Variants in LAMA2 observed in about 807,000 individuals in gnomAD.
LAMA2 encodes laminin subunit alpha 2.
Under a neutral mutation model 364.8 loss-of-function variants are expected in LAMA2, and 269 were observed. The observed-to-expected ratio is 0.74, with a 90% CI of 0.67 to 0.82. The LOEUF (loss-of-function observed/expected upper bound fraction) is 0.82. Ranked by LOEUF, LAMA2 falls within the 40% of genes least tolerant of loss-of-function variation. The pLI is 0.00. For synonymous variants in LAMA2, 1,379 were observed against 1,370.6 expected, an observed-to-expected ratio of 1.01 and a Z score of -0.14; for missense variants, 3,807 against 3,873.2, an observed-to-expected ratio of 0.98 and a Z score of 0.45.
chr6:129,378,650 T>A (rs942170506), intron 34 of LAMA2, among the ~76,000 whole-genome samples: 11 of 152,210 alleles, frequency 7.2e-5, no homozygotes, highest in African/African-American at 2.2e-4. Context: ...CAGTTTTTCA[T>A]GTATTTTACT....
In LAMA2 at chr6:129,222,677, C is replaced by T. The variant is rs531004753; in HGVS notation, c.1783-27435C>T. On this transcript the variant is annotated intron_variant, in intron 12 of 64. Transcript: ENST00000421865. ...TCCCTACAAAGGACGTGAACTCATC[C>T]TTTTTTATGGCTGCATAGTATTCCA... Among the ~76,000 whole-genome samples the T allele has an allele frequency of 1.8e-3, 271 of 152,018 alleles. 2 individuals are homozygous for T. Among genetic ancestry groups the T allele is most frequent in the African/African-American group, 5.9e-3 (245 of 41,478 alleles).
intron 40 of LAMA2, 84 bp from the exon 41 acceptor site, chr6:129,427,668 C>T (rs926654970): frequency 1.7e-5 from 16 of 957,964 alleles, no homozygotes; most frequent in Non-Finnish European, 2.7e-5. Context: ...TAAAGGCAAA[C>T]TCTGTGTACC....
chr6:128,927,974 C>G (rs1398944192), intron 1 of LAMA2, among the ~76,000 whole-genome samples: 2 of 152,180 alleles, frequency 1.3e-5, no homozygotes, highest in African/African-American at 4.8e-5. Flanking sequence ...GAACTTTCCT[C>G]TCTGTAAAGT....
intron 37 of LAMA2, among the ~76,000 whole-genome samples, chr6:129,396,231 T>G (rs1278855530): frequency 6.6e-6 from 1 of 152,226 alleles, no homozygotes; most frequent in Non-Finnish European, 1.5e-5. Flanking sequence ...CCAGGGTATT[T>G]GAGGTTGAAT....
intron 1 of LAMA2, among the ~76,000 whole-genome samples, chr6:128,959,841 T>C (rs1781368763): frequency 6.6e-6 from 1 of 152,048 alleles, no homozygotes; most frequent in Non-Finnish European, 1.5e-5. Context: ...AGCTACTTCT[T>C]GACCCTTGAA....
chr6:129,383,900 T>C (rs964509599), intron 35 of LAMA2, among the ~76,000 whole-genome samples: 1 of 152,180 alleles, frequency 6.6e-6, no homozygotes, highest in South Asian at 2.1e-4. Flanking sequence ...CGTGCATGCA[T>C]GTTTAGAAAT....
At chr6:129,172,214 G>T (rs1333193207) in intron 9 of LAMA2, among the ~76,000 whole-genome samples, 3 of 152,124 alleles carry the variant, frequency 2.0e-5, no homozygotes, top group Non-Finnish European at 4.4e-5. Context: ...TCCGTTGCTG[G>T]TGAGGAACTG....
intron 1 of LAMA2, among the ~76,000 whole-genome samples, chr6:129,023,263 C>A (rs1008019879): frequency 1.3e-5 from 2 of 152,136 alleles, no homozygotes; most frequent in Admixed American, 1.3e-4. Flanking sequence ...TTCACTCCAT[C>A]TTTCTTTGGG....
At chr6:129,479,856 C>T (rs1784265280) in intron 54 of LAMA2, 2 of 152,156 alleles carry the variant, frequency 1.3e-5, no homozygotes, top group South Asian at 4.2e-4. Context: ...GACACCCACT[C>T]TGAGAAGTTT....
chr6:129,386,054 CT>C lies in LAMA2; in HGVS notation c.5071+2824del, dbSNP rs565698338. Among the ~76,000 whole-genome samples the C allele has an allele frequency of 3.7e-4, 57 of 152,108 alleles. 1 individual carries two copies. The highest frequency in any genetic ancestry group is 1.3e-3 in the African/African-American group (54 of 41,502). On this transcript the variant is annotated intron_variant, in intron 35 of 64. Coordinates refer to ENST00000421865, the MANE Select transcript of LAMA2 (RefSeq NM_000426.4). ...TGGCATGGTTTTCTGTCTACTAATT[CT>C]TTCCCTAATTTATACAACTTTTTTT... is the stretch of plus-strand genomic sequence containing the variant.
At chr6:129,205,677 A>C (rs1782592160) in intron 12 of LAMA2, among the ~76,000 whole-genome samples, 1 of 152,018 alleles carries the variant, frequency 6.6e-6, no homozygotes, top group Admixed American at 6.6e-5. Context: ...TTAAAAAAGG[A>C]AGGAAGATTT....
chr6:129,064,013 A>T lies in LAMA2; in HGVS notation c.396+4117A>T, dbSNP rs1789116989. Among the ~76,000 whole-genome samples the T allele has an allele frequency of 4.6e-5, 7 of 152,248 alleles. No individual in the cohort carries two copies. The South Asian group carries it at 1.4e-3, about 32-fold the overall frequency. On this transcript the variant is annotated intron_variant, in intron 3 of 64. Transcript: ENST00000421865. ...CAATCATTTAAACATATTAAAGGTG[A>T]TCCAATTTTCAGTCTTGAAGGAAGG...
chr6:129,393,092 C>A lies in LAMA2; in HGVS notation c.5282C>A (p.Ser1761Tyr). The change falls in exon 37 of 65, where the codon TCC becomes TAC. Residue 1761 changes from serine (S) to tyrosine (Y), a missense_variant. Physicochemically the swap from Ser to Tyr is moderately radical, Grantham distance 144. Coordinates refer to ENST00000421865, the MANE Select transcript of LAMA2 (RefSeq NM_000426.4). ...LKKVKKLFGESRGENEEMEKD... is the reference protein window; with the variant it reads ...LKKVKKLFGEYRGENEEMEKD... Reference sequence around the variant, plus strand: ...AAAGTGAAGAAGCTGTTTGGAGAGTCCCGGGGGGAAAATGAAGAAATGGAG... The same window carrying A: ...AAAGTGAAGAAGCTGTTTGGAGAGTACCGGGGGGAAAATGAAGAAATGGAG... 6.2e-7 allele frequency: 1 copy of A among 1,613,852 alleles called. No homozygotes were observed.
At chr6:129,482,480 T>C (rs1310809703) in intron 55 of LAMA2, among the ~76,000 whole-genome samples, 1 of 152,190 alleles carries the variant, frequency 6.6e-6, no homozygotes, top group African/African-American at 2.4e-5. Context: ...AAAGGGTTCA[T>C]AGGAATTATT....
At chr6:128,917,706 T>TTTCTTTCTTTCTTTC (rs1554322938) in intron 1 of LAMA2, among the ~76,000 whole-genome samples, 34 of 98,382 alleles carry the variant, frequency 3.5e-4, no homozygotes, top group African/African-American at 1.3e-3. Flanking sequence ...TTTCTTTTTT[T>TTTCTTTCTTTCTTTC]TTTCTTTCTT....
At chr6:128,992,631 A>G (rs1440236869) in intron 1 of LAMA2, among the ~76,000 whole-genome samples, 7 of 152,182 alleles carry the variant, frequency 4.6e-5, no homozygotes, top group Non-Finnish European at 1.0e-4. Context: ...ACTCCTATAC[A>G]CACACTTAAA....
At chr6:129,242,474 T>A (rs1283154732) in intron 12 of LAMA2, among the ~76,000 whole-genome samples, 1 of 152,186 alleles carries the variant, frequency 6.6e-6, no homozygotes, top group South Asian at 2.1e-4. Context: ...TTGTATATTA[T>A]GAGCGTGTGG....
intron 1 of LAMA2, among the ~76,000 whole-genome samples, chr6:128,996,465 G>A (rs867200981): frequency 1.3e-5 from 2 of 152,118 alleles, no homozygotes; most frequent in Non-Finnish European, 2.9e-5. Context: ...AGTGGGCAAA[G>A]GATATGAACA....
chr6:129,239,212 A>T (rs1460137963), intron 12 of LAMA2, among the ~76,000 whole-genome samples: 1 of 152,210 alleles, frequency 6.6e-6, no homozygotes, highest in African/African-American at 2.4e-5. Flanking sequence ...TGACACAAAG[A>T]GAGACTAAGT....
Sources: gnomAD v4.1 joint callset for allele counts (sites outside exome capture counted in the v4.1 genomes callset) on GRCh38, gnomAD v4.1.1 for gene constraint, MANE v1.5 for transcripts, NCBI Gene and HGNC (gene_info 2026-07-23, HGNC 2026-07-21) for gene names.